The following DNMT3A variants were observed in gnomAD, a reference collection of about 807,000 sequenced individuals.
The protein encoded by DNMT3A is DNA (cytosine-5)-methyltransferase 3A.
Under a neutral mutation model 117.6 loss-of-function variants are expected in DNMT3A, and 267 were observed. That is an observed-to-expected ratio of 2.27 (90% CI 2.05 to 2.51). The LOEUF is 2.51. Ranked by LOEUF, DNMT3A falls within the 30% of genes most tolerant of loss-of-function variation. The pLI is 0.00. For missense variants in DNMT3A, 1,029 were observed against 1,260.2 expected, an observed-to-expected ratio of 0.82 and a Z score of 2.78; for synonymous variants, 432 against 474.8, an observed-to-expected ratio of 0.91 and a Z score of 1.17.
chr2:25,259,257 A>G (rs961792594), intron 6 of DNMT3A, among the ~76,000 whole-genome samples: 2 of 152,190 alleles, frequency 1.3e-5, no homozygotes, highest in African/African-American at 2.4e-5. Flanking sequence ...GGGTCTGCCC[A>G]GCTCTACCAG....
At chr2:25,301,945 T>G (rs1162660930) in intron 2 of DNMT3A, among the ~76,000 whole-genome samples, 1 of 152,206 alleles carries the variant, frequency 6.6e-6, no homozygotes, top group African/African-American at 2.4e-5. Flanking sequence ...CACATTAATT[T>G]TTAGGTGACA....
In DNMT3A at chr2:25,337,530, G is replaced by A. The variant is rs1041467613; in HGVS notation, c.-178+4296C>T. Among the ~76,000 whole-genome samples the A allele has an allele frequency of 6.6e-6, 1 of 152,182 alleles. No individual in the cohort carries two copies. The highest frequency in any genetic ancestry group is 2.4e-5 in the African/African-American group (1 of 41,430). On this transcript the variant is annotated intron_variant, in intron 1 of 22. Coordinates refer to ENST00000321117, the MANE Select transcript of DNMT3A (RefSeq NM_022552.5). This position sits in a 1 kb window ranked among gnomAD's most constrained non-coding sequence, Gnocchi z 5.0. ...TCGAGTTGTTGCCCAAGTTCCTGCC[G>A]CTGGGAGGTGTCAGAGTGCAGCTCC... is the stretch of plus-strand genomic sequence containing the variant.
chr2:25,266,121 G>C (rs1027428123), intron 6 of DNMT3A, among the ~76,000 whole-genome samples: 5 of 152,206 alleles, frequency 3.3e-5, no homozygotes, highest in Admixed American at 3.3e-4. Flanking sequence ...ACAATGGGGA[G>C]TCCCTCTGTG....
At chr2:25,239,021 T>C in intron 20 of DNMT3A, 109 bp downstream of exon 20, 1 of 859,658 alleles carries the variant, frequency 1.2e-6, no homozygotes, top group South Asian at 1.7e-5. Context: ...CAGCTAGTCA[T>C]TCAGCAGAGG....
chr2:25,319,630 C>A (rs992304464), intron 1 of DNMT3A, among the ~76,000 whole-genome samples: 1 of 152,248 alleles, frequency 6.6e-6, no homozygotes, highest in Non-Finnish European at 1.5e-5. Flanking sequence ...CCAGCCTTCC[C>A]ACTGAGACTG....
At chr2:25,318,271 A>T (rs569886381) in intron 1 of DNMT3A, among the ~76,000 whole-genome samples, 1 of 152,174 alleles carries the variant, frequency 6.6e-6, no homozygotes, top group African/African-American at 2.4e-5. Flanking sequence ...AGAGCTTCCG[A>T]TCAGTTGGGT....
At chr2:25,269,386 G>A (rs1270708471) in intron 6 of DNMT3A, among the ~76,000 whole-genome samples, 1 of 152,202 alleles carries the variant, frequency 6.6e-6, no homozygotes, top group Non-Finnish European at 1.5e-5. Flanking sequence ...AGAGGTCATT[G>A]TGGACTGGAG....
chr2:25,334,719 C>T (rs984807023), intron 1 of DNMT3A, among the ~76,000 whole-genome samples: 1 of 152,248 alleles, frequency 6.6e-6, no homozygotes, highest in African/African-American at 2.4e-5. Flanking sequence ...TCCCTACCAG[C>T]CTAGGCCTTT....
At chr2:25,235,594 T>C in intron 22 of DNMT3A, 113 bp downstream of exon 22, 1 of 817,098 alleles carries the variant, frequency 1.2e-6, no homozygotes, top group East Asian at 2.5e-5. Context: ...AAACCCACTG[T>C]TCCCAGGACG....
chr2:25,342,037 C>T (rs2035483566), upstream of DNMT3A: 1 of 716,600 alleles, frequency 1.4e-6, no homozygotes. The surrounding 1 kb of genome is among the most constrained non-coding windows in gnomAD (Gnocchi z 5.9). Flanking sequence ...CCTCCCACCC[C>T]TTCTCTCCGC....
chr2:25,305,970 C>A lies in DNMT3A; in HGVS notation c.73-5727G>T, dbSNP rs956843200. On this transcript the variant is annotated intron_variant, in intron 2 of 22. Coordinates refer to ENST00000321117, the MANE Select transcript of DNMT3A (RefSeq NM_022552.5). The surrounding 1 kb of genome is among the most constrained non-coding windows in gnomAD (Gnocchi z 4.1). The stretch of plus-strand genomic sequence containing the variant: ...TGCTTGAGTCGAGGGGATGAACTTG[C>A]CGGATCTAGCCAGCTACTTGCCCGG... 2.6e-5 allele frequency among the ~76,000 whole-genome samples: 4 copies of A among 152,218 alleles called. No homozygotes were observed. The highest frequency in any genetic ancestry group is 4.1e-4 in the South Asian group (2 of 4,834).
intron 4 of DNMT3A, among the ~76,000 whole-genome samples, chr2:25,277,178 G>C (rs567353642): frequency 2.2e-3 from 338 of 152,268 alleles, no homozygotes; most frequent in African/African-American, 8.0e-3. Context: ...GCGCGCACTC[G>C]CCAGCGCTTT....
Position 25,230,204 on chromosome 2 carries a change from A to C in DNMT3A, c.*4075T>G, listed in dbSNP as rs1250973138. 1 of 152,308 alleles carries C rather than the reference A, an allele frequency of 6.6e-6. No homozygotes were observed. Among genetic ancestry groups the C allele is most frequent in the Non-Finnish European group, 1.5e-5 (1 of 68,070 alleles). The allele number at this position is 152,308 out of a possible 1,614,324, so 9.4% of individuals were successfully genotyped here. On this transcript the variant is annotated 3_prime_UTR_variant, in exon 23 of 23. Transcript: ENST00000321117. The stretch of plus-strand genomic sequence containing the variant: ...AGGACAGCAACAGATTCATGTCATC[A>C]TCTATGGACTGCAGACCCCTGCTAG...
At chr2:25,302,457 G>A (rs1179273118) in intron 2 of DNMT3A, among the ~76,000 whole-genome samples, 1 of 152,238 alleles carries the variant, frequency 6.6e-6, no homozygotes, top group Non-Finnish European at 1.5e-5. Context: ...GATGCCAGGG[G>A]ACTGGGGAGC....
Position 25,294,859 on chromosome 2 carries a change from C to T in DNMT3A, c.177+5280G>A, listed in dbSNP as rs1379482808. On this transcript the variant is annotated intron_variant, in intron 3 of 22. Coordinates refer to ENST00000321117, the MANE Select transcript of DNMT3A (RefSeq NM_022552.5). This position sits in a 1 kb window ranked among gnomAD's most constrained non-coding sequence, Gnocchi z 4.7. Reference sequence around the variant, plus strand: ...TAACACCAGCTTGGGCTCAGCTGAGCTCAGCACCAGCGCCCAGCCCCCTCC... The same window carrying T: ...TAACACCAGCTTGGGCTCAGCTGAGTTCAGCACCAGCGCCCAGCCCCCTCC... Among the ~76,000 whole-genome samples the T allele has an allele frequency of 6.6e-6, 1 of 152,208 alleles. No individual in the cohort carries two copies. Among genetic ancestry groups the T allele is most frequent in the African/African-American group, 2.4e-5 (1 of 41,446 alleles).
At chr2:25,265,350 A>G (rs1043955435) in intron 6 of DNMT3A, among the ~76,000 whole-genome samples, 8 of 152,212 alleles carry the variant, frequency 5.3e-5, no homozygotes, top group Non-Finnish European at 1.2e-4. Context: ...ACAATTTCCA[A>G]GCCAGGAAAC....
intron 6 of DNMT3A, among the ~76,000 whole-genome samples, chr2:25,269,228 G>A (rs567067073): frequency 6.6e-5 from 10 of 152,294 alleles, no homozygotes; most frequent in South Asian, 2.1e-4. Context: ...AGGCTGAGGC[G>A]AGGCACGAGA....
chr2:25,259,313 G>A (rs1676415398), intron 6 of DNMT3A, among the ~76,000 whole-genome samples: 1 of 152,176 alleles, frequency 6.6e-6, no homozygotes, highest in African/African-American at 2.4e-5. Flanking sequence ...GGCAGGGGTG[G>A]GAGAGTAGCA....
rs1558671106 is a variant in DNMT3A, at chr2:25,247,096, G to C, written c.1077C>G (p.Tyr359Ter). 1 of 1,614,156 alleles carries C rather than the reference G, an allele frequency of 6.2e-7. No individual in the cohort carries two copies. Among genetic ancestry groups the C allele is most frequent in the Non-Finnish European group, 8.5e-7 (1 of 1,180,018 alleles). ...CTTTGCGGTACATGGGCTGCTTGTT[G>C]TACGTGGCCTGGTGGAACGCACTGC... ...SFCSAFHQAT[Y>*]NKQPMYRKAI... The change falls in exon 9 of 23, where the codon TAC becomes TAG. Residue 359 changes from tyrosine to a stop codon, truncating the protein, a stop_gained. Coordinates refer to ENST00000321117, the MANE Select transcript of DNMT3A (RefSeq NM_022552.5). LOFTEE classifies it high-confidence loss of function. This position sits in a 1 kb window ranked among gnomAD's most constrained non-coding sequence, Gnocchi z 5.6.
Sources: allele counts gnomAD v4.1 joint callset (sites outside exome capture counted in the v4.1 genomes callset), GRCh38; gene constraint gnomAD v4.1.1; non-coding constraint Gnocchi (gnomAD v3.1); transcripts MANE v1.5; gene names NCBI Gene and HGNC (gene_info 2026-07-23, HGNC 2026-07-21).